Variants in MAML3 observed in about 807,000 individuals in gnomAD.
The protein encoded by MAML3 is mastermind like transcriptional coactivator 3, also known as mastermind-like protein 3.
In MAML3, 27 loss-of-function variants were observed where a neutral mutation model predicts 101.9. That is an observed-to-expected ratio of 0.27 (90% CI 0.20 to 0.37). The LOEUF is 0.37. Among genes scored for constraint, MAML3 ranks in the 10% least tolerant of loss-of-function variants. The pLI, the probability that MAML3 is intolerant of heterozygous loss-of-function variation, is 1.00. For synonymous variants in MAML3, 501 were observed against 555.9 expected, an observed-to-expected ratio of 0.90 and a Z score of 1.39; for missense variants, 1,316 against 1,444.9, an observed-to-expected ratio of 0.91 and a Z score of 1.45.
intron 2 of MAML3, among the ~76,000 whole-genome samples, chr4:139,732,280 C>T (rs1728754633): frequency 6.6e-6 from 1 of 152,094 alleles, no homozygotes; most frequent in African/African-American, 2.4e-5. Flanking sequence ...CTAGAGAGAC[C>T]GTCCTGGATT....
intron 1 of MAML3, among the ~76,000 whole-genome samples, chr4:139,964,115 T>C (rs1734077989): frequency 6.6e-6 from 1 of 152,230 alleles, no homozygotes; most frequent in Non-Finnish European, 1.5e-5. Context: ...CAAAGGAATA[T>C]AAATCGTTCT....
intron 1 of MAML3, among the ~76,000 whole-genome samples, chr4:140,082,348 C>T (rs1015770039): frequency 1.1e-4 from 16 of 152,158 alleles, no homozygotes; most frequent in African/African-American, 3.4e-4. Context: ...TTTCAGGCCT[C>T]GTCTAATTTA....
At chr4:140,134,296 T>G (rs1270653891) in intron 1 of MAML3, 1 of 456,744 alleles carries the variant, frequency 2.2e-6, no homozygotes, top group South Asian at 1.5e-5. Context: ...TGAAAGGATG[T>G]TCCCACACTC....
intron 1 of MAML3, among the ~76,000 whole-genome samples, chr4:140,069,416 GGAGGGGAAGGAGGAGAAGGAGGA>G (rs1727598212): frequency 1.7e-5 from 1 of 59,300 alleles, no homozygotes; most frequent in Non-Finnish European, 3.7e-5. Context: ...AGGAGGAGGA[GGAGGGGAAGGAGGAGAAGGAGGA>G]GAAGGAGGAG....
At chr4:139,794,861 G>A (rs1279821350) in intron 2 of MAML3, among the ~76,000 whole-genome samples, 1 of 152,180 alleles carries the variant, frequency 6.6e-6, no homozygotes, top group Non-Finnish European at 1.5e-5. Flanking sequence ...ACAGACTAGG[G>A]TCAGGTGCCA....
intron 1 of MAML3, among the ~76,000 whole-genome samples, chr4:140,079,865 A>C (rs1727835961): frequency 6.6e-6 from 1 of 152,248 alleles, no homozygotes; most frequent in African/African-American, 2.4e-5. Flanking sequence ...ATTGTTATGT[A>C]AATGTCTCAG....
intron 1 of MAML3, among the ~76,000 whole-genome samples, chr4:140,106,826 A>G (rs958344695): frequency 6.6e-6 from 1 of 152,248 alleles, no homozygotes; most frequent in Non-Finnish European, 1.5e-5. Flanking sequence ...TTAATTCTGG[A>G]GTAAAACCTG....
intron 1 of MAML3, among the ~76,000 whole-genome samples, chr4:140,065,375 T>G (rs1313514799): frequency 6.6e-6 from 1 of 152,106 alleles, no homozygotes; most frequent in Non-Finnish European, 1.5e-5. Flanking sequence ...AAAGAAGTAA[T>G]TATTGTACAT....
At chr4:139,945,712 C>T (rs1474532152) in intron 1 of MAML3, among the ~76,000 whole-genome samples, 3 of 152,148 alleles carry the variant, frequency 2.0e-5, no homozygotes, top group Non-Finnish European at 4.4e-5. Context: ...GTGTATTTTT[C>T]CCATGAATAA....
chr4:139,821,806 T>A (rs1159169066), intron 2 of MAML3, among the ~76,000 whole-genome samples: 1 of 152,250 alleles, frequency 6.6e-6, no homozygotes, highest in Non-Finnish European at 1.5e-5. Context: ...AGTGCCCATA[T>A]TCAAAAGATG....
intron 2 of MAML3, among the ~76,000 whole-genome samples, chr4:139,804,106 C>T (rs534073688): frequency 2.6e-4 from 40 of 152,268 alleles, no homozygotes; most frequent in Non-Finnish European, 5.1e-4. Context: ...CACTTTGGGC[C>T]TCAGTCTTCT....
At chr4:140,139,155 C>A (rs1728943672) in intron 1 of MAML3, among the ~76,000 whole-genome samples, 1 of 151,992 alleles carries the variant, frequency 6.6e-6, no homozygotes. Context: ...CACCTGTAGT[C>A]CCAGCTACTC....
At chr4:139,991,941 T>C (rs2110828944) in intron 1 of MAML3, among the ~76,000 whole-genome samples, 1 of 152,272 alleles carries the variant, frequency 6.6e-6, no homozygotes, top group Non-Finnish European at 1.5e-5. Context: ...TTTGCAATCA[T>C]CACCACAATC....
chr4:139,940,180 A>G (rs1733576507), intron 1 of MAML3, among the ~76,000 whole-genome samples: 1 of 152,170 alleles, frequency 6.6e-6, no homozygotes, highest in African/African-American at 2.4e-5. Context: ...TTTTAGGTGT[A>G]TCCTTACAGT....
At chr4:139,768,655 C>T (rs1479965058) in intron 2 of MAML3, among the ~76,000 whole-genome samples, 1 of 152,242 alleles carries the variant, frequency 6.6e-6, no homozygotes, top group African/African-American at 2.4e-5. Flanking sequence ...TGGATTCCTG[C>T]TGCTACTCTT....
At chr4:140,015,088 A>G (rs1372613285) in intron 1 of MAML3, among the ~76,000 whole-genome samples, 3 of 152,240 alleles carry the variant, frequency 2.0e-5, no homozygotes, top group Non-Finnish European at 2.9e-5. Flanking sequence ...TTGAATTCCA[A>G]TTGAAACTAA....
chr4:139,838,687 A>G (rs1242929805), intron 2 of MAML3, among the ~76,000 whole-genome samples: 1 of 152,114 alleles, frequency 6.6e-6, no homozygotes, highest in Non-Finnish European at 1.5e-5. Flanking sequence ...CAAGTTTTCC[A>G]TAGGAAAAAT....
At chr4:140,109,345 A>G (rs139555167) in intron 1 of MAML3, among the ~76,000 whole-genome samples, 2 of 152,298 alleles carry the variant, frequency 1.3e-5, no homozygotes, top group East Asian at 1.9e-4. Flanking sequence ...ATGATTTCTT[A>G]TACTTCTCAC....
At chr4:140,036,031 T>C (rs1003032080) in intron 1 of MAML3, among the ~76,000 whole-genome samples, 1 of 152,232 alleles carries the variant, frequency 6.6e-6, no homozygotes, top group Non-Finnish European at 1.5e-5. Flanking sequence ...GAATAGATTA[T>C]ACAGGAAAGT....
Sources: allele counts gnomAD v4.1 joint callset (sites outside exome capture counted in the v4.1 genomes callset), GRCh38; gene constraint gnomAD v4.1.1; transcripts MANE v1.5; gene names NCBI Gene and HGNC (gene_info 2026-07-23, HGNC 2026-07-21).